Variants in COL21A1 observed in about 807,000 individuals in gnomAD.
COL21A1 encodes collagen type XXI alpha 1 chain, also known as collagen alpha-1(XXI) chain.
In COL21A1, 149 loss-of-function variants were observed where a neutral mutation model predicts 137.9. The ratio of observed to expected loss-of-function variants is 1.08; its 90% confidence interval spans 0.95 to 1.24. The LOEUF (loss-of-function observed/expected upper bound fraction) is 1.24. Among genes scored for constraint, COL21A1 ranks in the 50% most tolerant of loss-of-function variants. COL21A1 has a pLI of 0.00. For missense variants in COL21A1, 1,167 were observed against 1,158.4 expected (o/e 1.01, Z -0.11); for synonymous variants, 456 against 391.5 (o/e 1.16, Z -1.95).
intron 1 of COL21A1, among the ~76,000 whole-genome samples, chr6:56,362,131 T>G (rs1393765381): frequency 1.3e-5 from 2 of 152,136 alleles, no homozygotes; most frequent in African/African-American, 4.8e-5. Flanking sequence ...AATTGCCAGA[T>G]GACAAACCAT....
chr6:56,209,918 C>T (rs1374573012), intron 1 of COL21A1, among the ~76,000 whole-genome samples: 1 of 152,152 alleles, frequency 6.6e-6, no homozygotes, highest in African/African-American at 2.4e-5. Context: ...AAATGTGGCA[C>T]ATATACACCA....
chr6:56,084,396 T>C (rs1218740206), intron 17 of COL21A1, among the ~76,000 whole-genome samples: 2 of 151,970 alleles, frequency 1.3e-5, no homozygotes, highest in African/African-American at 4.8e-5. Flanking sequence ...GTGTATGTTC[T>C]TATGTATTTG....
intron 1 of COL21A1, among the ~76,000 whole-genome samples, chr6:56,272,668 G>A (rs556864848): frequency 6.6e-6 from 1 of 152,210 alleles, no homozygotes; most frequent in Admixed American, 6.5e-5. Context: ...GGGGCCTGGT[G>A]GGAAGTGATT....
chr6:56,158,959 C>T (rs1013120631), intron 9 of COL21A1, among the ~76,000 whole-genome samples: 1 of 152,148 alleles, frequency 6.6e-6, no homozygotes, highest in Non-Finnish European at 1.5e-5. Context: ...GCAGTGGTGG[C>T]TGGGCATTAG....
intron 19 of COL21A1, among the ~76,000 whole-genome samples, chr6:56,074,847 T>A (rs559993484): frequency 5.9e-5 from 9 of 151,532 alleles, no homozygotes; most frequent in African/African-American, 2.2e-4. Context: ...ATTATACATA[T>A]TTAACACACT....
At chr6:56,118,187 G>A (rs1479059856) in intron 16 of COL21A1, among the ~76,000 whole-genome samples, 1 of 151,012 alleles carries the variant, frequency 6.6e-6, no homozygotes, top group Non-Finnish European at 1.5e-5. Context: ...TTTTTAGCCA[G>A]TGTAACCGAG....
intron 1 of COL21A1, among the ~76,000 whole-genome samples, chr6:56,201,386 A>G (rs990099634): frequency 2.0e-5 from 3 of 152,170 alleles, no homozygotes; most frequent in Non-Finnish European, 4.4e-5. Flanking sequence ...GCCCATGCCT[A>G]TGTCCTGAAT....
At chr6:56,231,153 A>G (rs1037025239) in intron 1 of COL21A1, 1 of 151,904 alleles carries the variant, frequency 6.6e-6, no homozygotes, top group East Asian at 1.9e-4. Flanking sequence ...GAAACAATCA[A>G]TGTGAATTAA....
intron 2 of COL21A1, among the ~76,000 whole-genome samples, chr6:56,180,738 C>A (rs986229080): frequency 2.0e-5 from 3 of 152,182 alleles, no homozygotes; most frequent in Admixed American, 6.5e-5. Flanking sequence ...TAAAACAAAG[C>A]ATGAATATAA....
chr6:56,329,158 A>T (rs994149130), intron 1 of COL21A1, among the ~76,000 whole-genome samples: 2 of 152,150 alleles, frequency 1.3e-5, no homozygotes, highest in Non-Finnish European at 2.9e-5. Flanking sequence ...ACAGGCTCAA[A>T]AATTACAGCT....
chr6:56,059,193 A>C lies in COL21A1; in HGVS notation c.2658T>G (p.Pro886=), dbSNP rs189541529. The change falls in exon 29 of 30, where the codon CCT becomes CCG. Residue 886 remains proline (P), a synonymous_variant. Transcript: ENST00000244728. ...GEKGSQGFGY[P]GEQGPPGPPG... is the part of the protein sequence containing the mutation. ...GGGGACCAGGAGGACCTTGTTCTCC[A>C]GGATACCCAAACCCTTGGCTCCCTT... The C allele has an allele frequency of 7.6e-5, 122 of 1,611,772 alleles. No homozygotes were observed. In the Admixed American group the frequency reaches 2.0e-3, roughly 27 times the overall value.
At chr6:56,308,637 C>A (rs1178046258) in intron 1 of COL21A1, among the ~76,000 whole-genome samples, 2 of 152,130 alleles carry the variant, frequency 1.3e-5, no homozygotes, top group African/African-American at 4.8e-5. Flanking sequence ...GATGAATAAG[C>A]TCTAGATATC....
intron 9 of COL21A1, 42 bp downstream of exon 9, chr6:56,164,377 CTTGT>C: frequency 1.6e-6 from 2 of 1,230,688 alleles, no homozygotes; most frequent in Non-Finnish European, 2.3e-6. Context: ...TTACCCAGCT[CTTGT>C]TTGTGTGTTT....
chr6:56,216,577 T>G (rs1370122063), intron 1 of COL21A1, among the ~76,000 whole-genome samples: 3 of 152,102 alleles, frequency 2.0e-5, no homozygotes, highest in Non-Finnish European at 4.4e-5. Flanking sequence ...CAAAAGAAAT[T>G]CTTGATAAGG....
intron 1 of COL21A1, among the ~76,000 whole-genome samples, chr6:56,389,358 C>G (rs1301134537): frequency 6.8e-6 from 1 of 146,098 alleles, no homozygotes; most frequent in Non-Finnish European, 1.5e-5. Flanking sequence ...GACTCCATCT[C>G]AAAAAACAAA....
intron 1 of COL21A1, among the ~76,000 whole-genome samples, chr6:56,204,828 C>A (rs866968957): frequency 2.6e-5 from 4 of 152,146 alleles, no homozygotes; most frequent in African/African-American, 4.8e-5. Flanking sequence ...CTGGTGATAT[C>A]CAGGCAAACA....
chr6:56,325,966 TATATTATATATTATA>T (rs1765074037), intron 1 of COL21A1, among the ~76,000 whole-genome samples: 2 of 592 alleles, frequency 3.4e-3, no homozygotes, highest in African/African-American at 6.5e-3. Flanking sequence ...ATATATAATA[TATATTATATATTATA>T]TAATATATGT....
chr6:56,077,042 T>G (rs774851179), intron 18 of COL21A1, among the ~76,000 whole-genome samples: 51 of 151,398 alleles, frequency 3.4e-4, no homozygotes, highest in Non-Finnish European at 8.9e-5. Context: ...TTTTCAAAGT[T>G]AACAATGAAA....
At chr6:56,110,197 T>C (rs1469767990) in intron 16 of COL21A1, among the ~76,000 whole-genome samples, 1 of 151,282 alleles carries the variant, frequency 6.6e-6, no homozygotes, top group Non-Finnish European at 1.5e-5. Flanking sequence ...ATCAATGTTG[T>C]ATATTAAGAA....
Sources: gnomAD v4.1 joint callset for allele counts (sites outside exome capture counted in the v4.1 genomes callset) on GRCh38, gnomAD v4.1.1 for gene constraint, MANE v1.5 for transcripts, NCBI Gene and HGNC (gene_info 2026-07-23, HGNC 2026-07-21) for gene names.